The following ZNF8 variants were observed in gnomAD, a reference collection of about 807,000 sequenced individuals.
ZNF8 encodes the protein zinc finger protein 8.
In ZNF8, 9 loss-of-function variants were observed where a neutral mutation model predicts 12.2. The ratio of observed to expected loss-of-function variants is 0.73; its 90% CI spans 0.44 to 1.28. ZNF8 has a LOEUF of 1.28. ZNF8 is among the 50% of genes most tolerant of loss of function. The probability of loss-of-function intolerance (pLI) is 0.00; values close to 1 mark genes in which losing one functional copy is unlikely to be tolerated. For missense variants in ZNF8, 664 were observed against 729.1 expected, an observed-to-expected ratio of 0.91 and a Z score of 1.03; for synonymous variants, 274 against 282.3, an observed-to-expected ratio of 0.97 and a Z score of 0.30.
In ZNF8 at chr19:58,294,372, A is replaced by G; in HGVS notation, c.564A>G (p.Pro188=). The G allele has an allele frequency of 6.2e-7, 1 of 1,614,152 alleles. No homozygotes were observed. The highest frequency in any genetic ancestry group is 8.5e-7 in the Non-Finnish European group (1 of 1,180,020). Residue 188 remains proline, a synonymous_variant, in exon 4 of 4, where the codon CCA becomes CCG. Coordinates refer to ENST00000621650, the MANE Select transcript of ZNF8 (RefSeq NM_021089.3). This position sits in a 1 kb window ranked among gnomAD's most constrained non-coding sequence, Gnocchi z 5.5. ...AAAACTGCGTCCTGAGTTCAAGCCC[A>G]AATCCATTCCCAGAGATCTCTAGAG... is the stretch of plus-strand genomic sequence containing the variant. ...LRENCVLSSS[P]NPFPEISRGE... is the part of the protein sequence containing the mutation.
intron 1 of ZNF8, among the ~76,000 whole-genome samples, chr19:58,283,993 C>T (rs62114210): frequency 0.13 from 20,011 of 152,068 alleles, 1,805 homozygotes; most frequent in Middle Eastern, 0.26. Context: ...GAGGACAAGG[C>T]GAGAGGATCA....
chr19:58,292,871 T>A (rs1230470557), intron 3 of ZNF8, among the ~76,000 whole-genome samples: 4 of 152,230 alleles, frequency 2.6e-5, no homozygotes, highest in Admixed American at 2.6e-4. Context: ...ATAGTGCCAC[T>A]ATGAACATTA....
In ZNF8 at chr19:58,294,434, A is replaced by T. The variant is rs373398941; in HGVS notation, c.626A>T (p.Asp209Val). ...YLYTYDSQIT[D>V]SEHNSSLVSQ... Reference sequence around the variant, plus strand: ...TATACTTACGACTCACAGATTACAGACTCAGAACATAACTCCAGCTTAGTC... The same window carrying T: ...TATACTTACGACTCACAGATTACAGTCTCAGAACATAACTCCAGCTTAGTC... The change falls in exon 4 of 4, where the codon GAC becomes GTC. Residue 209 changes from aspartate (D) to valine (V), a missense_variant. Transcript: ENST00000621650. This position sits in a 1 kb window ranked among gnomAD's most constrained non-coding sequence, Gnocchi z 5.5. The T allele has an allele frequency of 2.5e-6, 4 of 1,613,976 alleles. No homozygotes were observed. The highest frequency in any genetic ancestry group is 3.4e-6 in the Non-Finnish European group (4 of 1,180,026).
chr19:58,292,153 T>C (rs565618141), intron 3 of ZNF8, among the ~76,000 whole-genome samples: 1 of 152,314 alleles, frequency 6.6e-6, no homozygotes, highest in African/African-American at 2.4e-5. Flanking sequence ...TCAGCGGTTT[T>C]GAGTATATTC....
intron 3 of ZNF8, among the ~76,000 whole-genome samples, chr19:58,290,383 G>A (rs747030924): frequency 6.6e-6 from 1 of 151,906 alleles, no homozygotes; most frequent in Non-Finnish European, 1.5e-5. Flanking sequence ...CAAAGTGCTG[G>A]GATTACAGAC....
chr19:58,279,103 G>T lies in ZNF8; in HGVS notation c.22G>T (p.Val8Leu). 6.5e-7 allele frequency: 1 copy of T among 1,546,418 alleles called. No individual in the cohort carries two copies. The highest frequency in any genetic ancestry group is 2.4e-5 in the East Asian group (1 of 42,010). Residue 8 changes from valine (V) to leucine (L), a missense_variant, in exon 1 of 4, where the codon GTA becomes TTA. Val to Leu is a conservative substitution (Grantham distance 32). Coordinates refer to ENST00000621650, the MANE Select transcript of ZNF8 (RefSeq NM_021089.3). ...CAGCATGGACCCCGAGGACGAAGGG[G>T]TAGCGGGAGTGATGTCTGTGGGGCC... The part of the protein sequence containing the change: MDPEDEG[V>L]AGVMSVGPPA...
At chr19:58,284,984 G>A (rs1383165229) in intron 1 of ZNF8, among the ~76,000 whole-genome samples, 10 of 152,076 alleles carry the variant, frequency 6.6e-5, no homozygotes, top group Admixed American at 6.6e-4. Flanking sequence ...CTTCAGACAG[G>A]GTCCATGCTC....
chr19:58,295,321 T>A lies in ZNF8; in HGVS notation c.1513T>A (p.Ser505Thr). The change falls in exon 4 of 4, where the codon TCC becomes ACC. Residue 505 changes from serine (S) to threonine (T), a missense_variant. This residue lies in a region of ZNF8 where 225 missense variants were observed against 222.0 expected (regional missense o/e 1.01). Coordinates refer to ENST00000621650, the MANE Select transcript of ZNF8 (RefSeq NM_021089.3). ...PHGRSRRREQSSSRNSHLVQH... is the reference protein window; with the variant it reads ...PHGRSRRREQTSSRNSHLVQH... Reference sequence around the variant, plus strand: ...TGGGCGAAGCCGGCGGCGTGAACAATCCTCGAGCAGGAACTCACACCTGGT... The same window carrying A: ...TGGGCGAAGCCGGCGGCGTGAACAAACCTCGAGCAGGAACTCACACCTGGT... The A allele has an allele frequency of 6.2e-7, 1 of 1,614,088 alleles. No individual in the cohort carries two copies. The highest frequency in any genetic ancestry group is 1.1e-5 in the South Asian group (1 of 91,076).
rs1443905382 is a variant in ZNF8, at chr19:58,290,118, T to TC, written c.289+3913_289+3914insC. 5.3e-4 allele frequency among the ~76,000 whole-genome samples: 70 copies of TC among 132,628 alleles called. 1 individual carries two copies. Among genetic ancestry groups the TC allele is most frequent in the Admixed American group, 3.1e-4 (4 of 12,750 alleles). 87.0% of individuals were successfully genotyped at this position (132,628 alleles called of 152,430 possible). The stretch of plus-strand genomic sequence containing the variant: ...GCCCATTTCAAGATTCTTTTTTTTT[T>TC]TTTTTTTTTTTTTGAGACGGAGTCT... On this transcript the variant is annotated intron_variant, in intron 3 of 3. Coordinates refer to ENST00000621650, the MANE Select transcript of ZNF8 (RefSeq NM_021089.3).
At chr19:58,280,377 C>T (rs1341486780) in intron 1 of ZNF8, 3 of 156,576 alleles carry the variant, frequency 1.9e-5, no homozygotes, top group Non-Finnish European at 4.2e-5. Context: ...TCTGGCTTCC[C>T]ACAGAACAAG....
At position 58,294,812 on chromosome 19, in the gene ZNF8, A is replaced by C; in HGVS notation, c.1004A>C (p.His335Pro). Residue 335 changes from histidine to proline, a missense_variant, in exon 4 of 4, where the codon CAC (histidine) becomes CCC (proline). By Grantham distance (77) the His-to-Pro change is moderately conservative. This residue lies in a region of ZNF8 where 133 missense variants were observed against 198.4 expected (regional missense o/e 0.67). Transcript: ENST00000621650. The surrounding 1 kb of genome is among the most constrained non-coding windows in gnomAD (Gnocchi z 5.5). ...STHLTVHRRI[H>P]TGEKPYECQD... ...CACCTTACCGTCCATCGGAGGATTC[A>C]CACTGGGGAGAAGCCCTATGAGTGT... 6.2e-7 allele frequency: 1 copy of C among 1,614,204 alleles called. No homozygotes were observed. Among genetic ancestry groups the C allele is most frequent in the Non-Finnish European group, 8.5e-7 (1 of 1,180,040 alleles).
In ZNF8 at chr19:58,299,011, A is replaced by G. The variant is rs2051474231; in HGVS notation, c.*3475A>G. ...TTGTTTGTAGAGATGGGGTTTTACT[A>G]CATTGCCTAGGCCAGTTTCAAACTG... is the stretch of plus-strand genomic sequence containing the variant. On this transcript the variant is annotated 3_prime_UTR_variant, in exon 4 of 4. Coordinates refer to ENST00000621650, the MANE Select transcript of ZNF8 (RefSeq NM_021089.3). The G allele has an allele frequency of 1.3e-5, 2 of 151,436 alleles. No homozygotes were observed. Among genetic ancestry groups the G allele is most frequent in the Non-Finnish European group, 2.9e-5 (2 of 67,950 alleles). The allele number at this position is 151,436 out of a possible 1,614,324, so 9.4% of individuals were successfully genotyped here.
At position 58,278,962 on chromosome 19, in the gene ZNF8, C is replaced by G. The variant is rs1259031265; in HGVS notation, c.-120C>G. The G allele has an allele frequency of 8.1e-7, 1 of 1,233,562 alleles. No homozygotes were observed. The highest frequency in any genetic ancestry group is 3.5e-5 in the Admixed American group (1 of 28,762). 76.4% of individuals were successfully genotyped at this position (1,233,562 alleles called of 1,614,324 possible). On this transcript the variant is annotated 5_prime_UTR_variant, in exon 1 of 4. Transcript: ENST00000621650. The stretch of plus-strand genomic sequence containing the variant: ...CACGGCCTACTGGGAGTTGTAGTCG[C>G]CGCGTCGCCGGTGCGGCCGCCATTG...
rs757407641 is a variant in ZNF8, at chr19:58,288,821, G to A, written c.289+2616G>A. On this transcript the variant is annotated intron_variant, in intron 3 of 3. Coordinates refer to ENST00000621650, the MANE Select transcript of ZNF8 (RefSeq NM_021089.3). Reference sequence around the variant, plus strand: ...ATGACCTATCAACTGGGAGTCGGGTGAATCTGCTGCAGACCCTGTTTTCCT... The same window carrying A: ...ATGACCTATCAACTGGGAGTCGGGTAAATCTGCTGCAGACCCTGTTTTCCT... Among the ~76,000 whole-genome samples the A allele has an allele frequency of 1.1e-4, 17 of 152,286 alleles. 1 individual carries two copies. In the South Asian group the frequency reaches 2.7e-3, roughly 24 times the overall value.
At chr19:58,279,772 A>G (rs1285356622) in intron 1 of ZNF8, 2 of 1,485,704 alleles carry the variant, frequency 1.3e-6, no homozygotes, top group African/African-American at 2.8e-5. Context: ...TCAGAGCTCC[A>G]CTTTCTAGAC....
rs751645120 is a variant in ZNF8 at position 58,286,165 on chromosome 19, A to T, written c.249A>T (p.Leu83=). 2 of 1,613,916 alleles carry T rather than the reference A, an allele frequency of 1.2e-6. No individual in the cohort carries two copies. The highest frequency in any genetic ancestry group is 1.7e-6 in the Non-Finnish European group (2 of 1,179,970). The change falls in exon 3 of 4, where the codon CTA becomes CTT. Residue 83 remains leucine, a synonymous_variant. Transcript: ENST00000621650. ...CCCAGCTGGAGCAAGGGACCGAGCT[A>T]TGGGTGGCTGAGAGAGGAACCACCC... ...VISQLEQGTE[L]WVAERGTTQG...
rs146420915 is a variant in ZNF8 at position 58,295,326 on chromosome 19, G to T, written c.1518G>T (p.Ser506=). 1.9e-6 allele frequency: 3 copies of T among 1,614,076 alleles called. No homozygotes were observed. The African/African-American group carries it at 4.0e-5, about 22-fold the overall frequency. ...HGRSRRREQS[S]SRNSHLVQHQ... ...GAAGCCGGCGGCGTGAACAATCCTC[G>T]AGCAGGAACTCACACCTGGTTCAGC... The change falls in exon 4 of 4, where the codon TCG becomes TCT. Residue 506 remains serine, a synonymous_variant. Coordinates refer to ENST00000621650, the MANE Select transcript of ZNF8 (RefSeq NM_021089.3).
intron 3 of ZNF8, among the ~76,000 whole-genome samples, chr19:58,291,020 C>T (rs181551069): frequency 6.6e-6 from 1 of 152,096 alleles, no homozygotes; most frequent in East Asian, 1.9e-4. Context: ...CAGAGTAAGA[C>T]CTTATTTCAA....
chr19:58,297,621 G>A lies in ZNF8; in HGVS notation c.*2085G>A, dbSNP rs1206212711. On this transcript the variant is annotated 3_prime_UTR_variant, in exon 4 of 4. Coordinates refer to ENST00000621650, the MANE Select transcript of ZNF8 (RefSeq NM_021089.3). The stretch of plus-strand genomic sequence containing the variant: ...AGACAGGGTCTCACTGTGTTGCCTA[G>A]GCTGGTCTCGAACCTTGGCGTCCCA... 6.6e-6 allele frequency: 1 copy of A among 152,130 alleles called. No individual in the cohort carries two copies. Among genetic ancestry groups the A allele is most frequent in the African/African-American group, 2.4e-5 (1 of 41,390 alleles). The allele number at this position is 152,130 out of a possible 1,614,324, so 9.4% of individuals were successfully genotyped here.
Sources: gnomAD v4.1 joint callset for allele counts (sites outside exome capture counted in the v4.1 genomes callset) on GRCh38, gnomAD v4.1.1 for gene constraint, gnomAD v4.1.1 regional missense constraint, Gnocchi (gnomAD v3.1) non-coding constraint, MANE v1.5 for transcripts, NCBI Gene and HGNC (gene_info 2026-07-23, HGNC 2026-07-21) for gene names.